PHEX: variants seen among roughly 807,000 people sequenced by gnomAD.
PHEX encodes the protein phosphate regulating endopeptidase X-linked.
PHEX carries 16 observed loss-of-function variants against 68.0 expected under a neutral mutation model. The observed-to-expected ratio is 0.24, with a 90% CI of 0.16 to 0.36. PHEX has a LOEUF of 0.36. PHEX is among the 10% of genes least tolerant of loss of function. PHEX has a pLI of 1.00. For synonymous variants in PHEX, 208 were observed against 205.1 expected, an observed-to-expected ratio of 1.01 and a Z score of -0.12; for missense variants, 480 against 575.5, an observed-to-expected ratio of 0.83 and a Z score of 1.70.
chrX:22,162,097 T>C (rs1933151792), intron 12 of PHEX, among the ~76,000 whole-genome samples: 1 of 112,020 alleles, frequency 8.9e-6, no homozygotes, highest in Non-Finnish European at 1.9e-5. Flanking sequence ...TCTTTGATCT[T>C]TTCTAGGGTT....
intron 12 of PHEX, among the ~76,000 whole-genome samples, chrX:22,146,756 G>A (rs1481182901): frequency 9.0e-6 from 1 of 111,254 alleles, no homozygotes; most frequent in Non-Finnish European, 1.9e-5. Context: ...GGCAGAGGTT[G>A]CAGTGAGCCA....
Position 22,054,120 on chromosome X carries a change from A to C in PHEX, c.349+6909A>C, listed in dbSNP as rs149867624. Among the ~76,000 whole-genome samples, 514 of 111,563 alleles carry C rather than the reference A, an allele frequency of 4.6e-3. 2 individuals are homozygous for C. Among genetic ancestry groups the C allele is most frequent in the African/African-American group, 0.016 (478 of 30,713 alleles). On this transcript the variant is annotated intron_variant, in intron 3 of 21. Coordinates refer to ENST00000379374, the MANE Select transcript of PHEX (RefSeq NM_000444.6). ...AGAGCTTTGACTTCATAAAGTTCTT[A>C]ATTTTTTAAAATTATTTTATTATTA...
Position 22,247,703 on chromosome X carries a change from C to A in PHEX, c.2148-148C>A, listed in dbSNP as rs1936431369. ...TCTGTTAATTTTTTCTGGAAATTTA[C>A]TTAATCATTTTGGGCTTTAGTTGTC... On this transcript the variant is annotated intron_variant, in intron 21 of 21. Transcript: ENST00000379374. The A allele has an allele frequency of 8.3e-6, 4 of 480,123 alleles. No individual in the cohort carries two copies. The South Asian group carries it at 1.2e-4, about 14-fold the overall frequency. The allele number at this position is 480,123 out of a possible 1,213,427, so 39.6% of individuals were successfully genotyped here. A position where few individuals can be genotyped will look rare whatever the true frequency, so the allele number is the denominator to read the frequency against.
intron 5 of PHEX, among the ~76,000 whole-genome samples, chrX:22,078,734 G>T (rs777813877): frequency 8.9e-6 from 1 of 111,928 alleles, no homozygotes; most frequent in Admixed American, 9.5e-5. Context: ...TTCTGCCATT[G>T]TGTCTGGGAA....
chrX:22,180,528 G>A (rs1933852093), intron 14 of PHEX, among the ~76,000 whole-genome samples: 1 of 111,437 alleles, frequency 9.0e-6, no homozygotes, highest in African/African-American at 3.3e-5. Flanking sequence ...GTATTTATGA[G>A]GTACATGAGA....
intron 9 of PHEX, among the ~76,000 whole-genome samples, chrX:22,106,002 C>G (rs1036839362): frequency 8.9e-6 from 1 of 111,739 alleles, no homozygotes; most frequent in Admixed American, 9.5e-5. Flanking sequence ...GTGGTGGGTG[C>G]TCTTTTGAGA....
In PHEX at chrX:22,209,700, CTCCCTCTCT is replaced by C. The variant is rs1934832246; in HGVS notation, c.1646-3196_1646-3188del. Reference sequence around the variant, plus strand: ...CCTCCCTCTCCTCCCTCTCCTCCCTCTCCCTCTCTTCCCTCTGCTCCCTCTGCTCCCTCT... The same window carrying C: ...CCTCCCTCTCCTCCCTCTCCTCCCTCTCCCTCTGCTCCCTCTGCTCCCTCT... On this transcript the variant is annotated intron_variant, in intron 15 of 21. Transcript: ENST00000379374. Among the ~76,000 whole-genome samples, 3 of 101,986 alleles carry C rather than the reference CTCCCTCTCT, an allele frequency of 2.9e-5. No homozygotes were observed. In the Admixed American group the frequency reaches 3.2e-4, roughly 11 times the overall value. 88.6% of individuals were successfully genotyped at this position (101,986 alleles called of 115,157 possible).
chrX:22,033,441 G>A (rs995200440), intron 1 of PHEX, among the ~76,000 whole-genome samples: 9 of 111,793 alleles, frequency 8.1e-5, no homozygotes, highest in African/African-American at 2.3e-4. Context: ...GAGTGTTTGT[G>A]AATTCATAGT....
chrX:22,092,749 C>CTTTTT lies in PHEX; in HGVS notation c.733-1220_733-1216dup, dbSNP rs370527485. Among the ~76,000 whole-genome samples the CTTTTT allele has an allele frequency of 5.8e-3, 455 of 77,866 alleles. 14 individuals carry two copies. Among genetic ancestry groups the CTTTTT allele is most frequent in the African/African-American group, 0.011 (197 of 17,988 alleles). 67.6% of individuals were successfully genotyped at this position (77,866 alleles called of 115,157 possible). A position where few individuals can be genotyped will look rare whatever the true frequency, so the allele number is the denominator to read the frequency against. ...AAGACTTCTTTTCTTTTCTTTCTTT[C>CTTTTT]TTTTTTTTTTTTTTTTTTGAGATGG... On this transcript the variant is annotated intron_variant, in intron 6 of 21. Transcript: ENST00000379374.
chrX:22,134,622 T>C (rs1027172142), intron 12 of PHEX, among the ~76,000 whole-genome samples: 4 of 112,625 alleles, frequency 3.6e-5, no homozygotes, highest in East Asian at 2.8e-4. Context: ...ATGGGATCCA[T>C]TTTGAATTCC....
In PHEX at chrX:22,089,116, G is replaced by A. The variant is rs1183960785; in HGVS notation, c.664-1313G>A. Among the ~76,000 whole-genome samples, 4 of 112,188 alleles carry A rather than the reference G, an allele frequency of 3.6e-5. No individual in the cohort carries two copies. The Admixed American group carries it at 3.8e-4, about 11-fold the overall frequency. On this transcript the variant is annotated intron_variant, in intron 5 of 21. Transcript: ENST00000379374. ...AGCTTGCTGCAACCTCCGCCTCCTG[G>A]GTTCAAGTGATTCTCCTGCCTCAGC...
intron 20 of PHEX, among the ~76,000 whole-genome samples, chrX:22,230,229 C>CTTTTTTTTTTTTTTTTTTTTT (rs140475343): frequency 9.1e-5 from 1 of 10,939 alleles, no homozygotes; most frequent in Non-Finnish European, 1.8e-4. Context: ...TATATGGGCT[C>CTTTTTTTTTTTTTTTTTTTTT]TTTTTTTTTT....
chrX:22,241,669 C>G (rs1821287760), intron 20 of PHEX, among the ~76,000 whole-genome samples: 2 of 112,105 alleles, frequency 1.8e-5, no homozygotes, highest in African/African-American at 6.5e-5. Flanking sequence ...ACTAGAAAAT[C>G]TAGAAGAAAT....
At chrX:22,227,166 A>T (rs1201984742) in intron 19 of PHEX, among the ~76,000 whole-genome samples, 2 of 112,582 alleles carry the variant, frequency 1.8e-5, no homozygotes, top group Non-Finnish European at 3.8e-5. Flanking sequence ...AAAAAAGGTA[A>T]TATGCGGACC....
At chrX:22,121,598 T>C (rs1931489350) in intron 11 of PHEX, among the ~76,000 whole-genome samples, 1 of 112,169 alleles carries the variant, frequency 8.9e-6, no homozygotes, top group African/African-American at 3.2e-5. Flanking sequence ...TCTCCTGTCA[T>C]ATATTAAAAC....
At chrX:22,087,734 G>A (rs1384887618) in intron 5 of PHEX, among the ~76,000 whole-genome samples, 1 of 111,343 alleles carries the variant, frequency 9.0e-6, no homozygotes, top group Non-Finnish European at 1.9e-5. Flanking sequence ...TTTTTAATTT[G>A]TTGTTTAGAT....
intron 20 of PHEX, among the ~76,000 whole-genome samples, chrX:22,237,719 C>T (rs1220128310): frequency 8.9e-6 from 1 of 112,315 alleles, no homozygotes; most frequent in Non-Finnish European, 1.9e-5. Context: ...CGTTAGGCAT[C>T]ATATACTCCA....
intron 1 of PHEX, among the ~76,000 whole-genome samples, chrX:22,036,127 T>A (rs1419719078): frequency 9.9e-6 from 1 of 100,623 alleles, no homozygotes; most frequent in African/African-American, 3.7e-5. Flanking sequence ...TGGTGCGATC[T>A]TGGCTCGCTA....
chrX:22,170,304 C>T (rs960176682), intron 13 of PHEX, among the ~76,000 whole-genome samples: 2 of 111,080 alleles, frequency 1.8e-5, no homozygotes, highest in Non-Finnish European at 3.8e-5. Context: ...TATTCTGAGT[C>T]AGCATGTGGA....
Sources: allele counts gnomAD v4.1 joint callset (sites outside exome capture counted in the v4.1 genomes callset), GRCh38; gene constraint gnomAD v4.1.1; transcripts MANE v1.5; gene names NCBI Gene and HGNC (gene_info 2026-07-23, HGNC 2026-07-21).